The following SCLT1 variants were observed in gnomAD, a reference collection of about 807,000 sequenced individuals.
SCLT1 encodes the protein sodium channel-associated protein 1.
A neutral mutation model predicts 112.8 loss-of-function variants in SCLT1; 78 were observed. The observed-to-expected ratio is 0.69, with a 90% CI of 0.58 to 0.83. The LOEUF (loss-of-function observed/expected upper bound fraction) is 0.83. Ranked by LOEUF, SCLT1 falls within the 40% of genes least tolerant of loss-of-function variation. The pLI is 0.00. For missense variants in SCLT1, 747 were observed against 770.4 expected, an observed-to-expected ratio of 0.97 and a Z score of 0.36; for synonymous variants, 257 against 254.7, an observed-to-expected ratio of 1.01 and a Z score of -0.09.
At chr4:128,995,276 G>A (rs1319465992) in intron 8 of SCLT1, among the ~76,000 whole-genome samples, 2 of 151,900 alleles carry the variant, frequency 1.3e-5, no homozygotes, top group Non-Finnish European at 2.9e-5. Context: ...TTTTAATTCC[G>A]TTATTGTGTT....
chr4:129,086,790 G>A (rs1016877135), intron 1 of SCLT1, among the ~76,000 whole-genome samples: 1 of 151,608 alleles, frequency 6.6e-6, no homozygotes. Flanking sequence ...AGAAAATGAA[G>A]GGCTCAAAGG....
intron 2 of SCLT1, among the ~76,000 whole-genome samples, chr4:129,064,648 A>G (rs901392570): frequency 6.6e-6 from 1 of 152,198 alleles, no homozygotes. Context: ...TATTCCTGAA[A>G]TTAGATGTCC....
intron 20 of SCLT1, among the ~76,000 whole-genome samples, chr4:128,885,441 A>C (rs1268350359): frequency 6.6e-6 from 1 of 152,210 alleles, no homozygotes; most frequent in East Asian, 1.9e-4. Context: ...AAAGTATTAT[A>C]AACACTTTTC....
chr4:128,957,241 T>A, intron 12 of SCLT1, 117 bp from the exon 13 acceptor site: 1 of 561,746 alleles, frequency 1.8e-6, no homozygotes, highest in Non-Finnish European at 3.1e-6. Context: ...CATCTCTACT[T>A]GAATATCATG....
At chr4:129,086,143 T>G (rs369904480) in intron 1 of SCLT1, among the ~76,000 whole-genome samples, 1 of 152,012 alleles carries the variant, frequency 6.6e-6, no homozygotes, top group African/African-American at 2.4e-5. Flanking sequence ...GGATAAGAAG[T>G]AAATTATGTA....
chr4:129,004,414 A>G (rs1743810585), intron 5 of SCLT1, among the ~76,000 whole-genome samples: 1 of 152,102 alleles, frequency 6.6e-6, no homozygotes, highest in Non-Finnish European at 1.5e-5. Flanking sequence ...GCACATCCTT[A>G]TATAAGATCA....
At chr4:128,875,923 T>A (rs781149288) in intron 4 of SCLT1, among the ~76,000 whole-genome samples, 46 of 152,140 alleles carry the variant, frequency 3.0e-4, no homozygotes, top group Non-Finnish European at 5.0e-4. Context: ...GGCAAAAAAA[T>A]ATTATCTGCA....
At chr4:129,072,528 G>A (rs1463843516) in intron 2 of SCLT1, among the ~76,000 whole-genome samples, 1 of 151,978 alleles carries the variant, frequency 6.6e-6, no homozygotes, top group African/African-American at 2.4e-5. Context: ...TTGTTGGATT[G>A]GGTTAATTCG....
intron 16 of SCLT1, chr4:128,944,785 G>A (rs1247414543): frequency 1.3e-5 from 2 of 152,150 alleles, no homozygotes; most frequent in African/African-American, 4.8e-5. Context: ...AATTCCTCCT[G>A]TCTTGATGAA....
At chr4:129,082,229 G>A in intron 2 of SCLT1, 77 bp downstream of exon 2, 1 of 595,640 alleles carries the variant, frequency 1.7e-6, no homozygotes, top group Non-Finnish European at 2.9e-6. Flanking sequence ...AGGAATCAAA[G>A]TTGTAAGCCA....
At chr4:129,070,753 CTTGT>C (rs1049103179) in intron 2 of SCLT1, among the ~76,000 whole-genome samples, 11 of 151,684 alleles carry the variant, frequency 7.3e-5, no homozygotes, top group Admixed American at 2.6e-4. Flanking sequence ...TGTTTGCTTG[CTTGT>C]TTGTTTCAAT....
intron 6 of SCLT1, among the ~76,000 whole-genome samples, chr4:129,000,737 G>A (rs1421845606): frequency 6.6e-6 from 1 of 151,734 alleles, no homozygotes; most frequent in African/African-American, 2.4e-5. Flanking sequence ...GGAGTACACT[G>A]AGGTATACCA....
At chr4:128,965,809 T>C (rs988131278) in intron 10 of SCLT1, among the ~76,000 whole-genome samples, 3 of 151,376 alleles carry the variant, frequency 2.0e-5, no homozygotes, top group South Asian at 4.2e-4. Flanking sequence ...TGTTAACAAA[T>C]ATTTTTTATG....
intron 18 of SCLT1, among the ~76,000 whole-genome samples, chr4:128,909,667 G>T (rs1734944105): frequency 6.6e-6 from 1 of 152,120 alleles, no homozygotes; most frequent in South Asian, 2.1e-4. Context: ...TCTTGTCTTT[G>T]CTGTATTCCC....
At chr4:129,045,227 G>T (rs1288055328) in intron 2 of SCLT1, among the ~76,000 whole-genome samples, 3 of 151,972 alleles carry the variant, frequency 2.0e-5, no homozygotes, top group Non-Finnish European at 4.4e-5. Flanking sequence ...TGTTTTGTTT[G>T]CAAATATCCC....
chr4:129,047,994 T>C (rs1268719907), intron 2 of SCLT1, among the ~76,000 whole-genome samples: 1 of 152,152 alleles, frequency 6.6e-6, no homozygotes, highest in African/African-American at 2.4e-5. Context: ...ATTGATATAA[T>C]CCCATTTGTC....
intron 2 of SCLT1, among the ~76,000 whole-genome samples, chr4:129,062,274 A>G (rs1750055763): frequency 6.6e-6 from 1 of 151,548 alleles, no homozygotes; most frequent in Non-Finnish European, 1.5e-5. Context: ...CCTCTGATGC[A>G]CTCTGGCACT....
At chr4:129,028,608 T>C (rs1474257438) in intron 5 of SCLT1, among the ~76,000 whole-genome samples, 3 of 152,100 alleles carry the variant, frequency 2.0e-5, no homozygotes, top group Admixed American at 1.3e-4. Context: ...ATTCAAGACA[T>C]AGGTATGGGC....
chr4:128,967,511 G>A (rs767137612), intron 10 of SCLT1, among the ~76,000 whole-genome samples: 21 of 152,074 alleles, frequency 1.4e-4, no homozygotes, highest in Non-Finnish European at 2.4e-4. Context: ...CAATATTGCC[G>A]GCATCTGTAA....
Sources: allele counts gnomAD v4.1 joint callset (sites outside exome capture counted in the v4.1 genomes callset), GRCh38; gene constraint gnomAD v4.1.1; transcripts MANE v1.5; gene names NCBI Gene and HGNC (gene_info 2026-07-23, HGNC 2026-07-21).